DAW1: variants seen among roughly 807,000 people sequenced by gnomAD.
DAW1 encodes dynein assembly factor with WD repeat domains 1.
In DAW1, 47 loss-of-function variants were observed where a neutral mutation model predicts 56.5. The observed-to-expected ratio is 0.83, with a 90% confidence interval of 0.66 to 1.06. The LOEUF (loss-of-function observed/expected upper bound fraction) is 1.06, where lower values mean the gene tolerates loss of function less well. Among genes scored for constraint, DAW1 ranks in the 50% least tolerant of loss-of-function variants. DAW1 has a pLI of 0.00. For synonymous variants in DAW1, 190 were observed against 179.0 expected (o/e 1.06, Z -0.49); for missense variants, 505 against 499.3 (o/e 1.01, Z -0.11).
At chr2:227,887,932 A>G (rs1691170292) in intron 2 of DAW1, among the ~76,000 whole-genome samples, 1 of 151,822 alleles carries the variant, frequency 6.6e-6, no homozygotes, top group African/African-American at 2.4e-5. Flanking sequence ...CGTGTAGATT[A>G]TCTGGTTAAT....
chr2:227,921,275 G>A, intron 11 of DAW1, 124 bp from the exon 12 acceptor site: 1 of 1,028,200 alleles, frequency 9.7e-7, no homozygotes, highest in Non-Finnish European at 1.4e-6. Flanking sequence ...ATAAATACCA[G>A]ACTAGGAAGG....
At chr2:227,892,765 T>C (rs1275760096) in intron 4 of DAW1, among the ~76,000 whole-genome samples, 1 of 152,312 alleles carries the variant, frequency 6.6e-6, no homozygotes, top group East Asian at 1.9e-4. Context: ...GACTGGCTTT[T>C]CAATTTTGTG....
At chr2:227,921,700 T>C (rs1265131758) in intron 12 of DAW1, 139 bp downstream of exon 12, 4 of 857,144 alleles carry the variant, frequency 4.7e-6, no homozygotes, top group Admixed American at 2.9e-5. Flanking sequence ...TGCCCTCATA[T>C]TTTCATTATT....
At chr2:227,874,438 G>A (rs12465328) in intron 1 of DAW1, among the ~76,000 whole-genome samples, 73,066 of 151,946 alleles carry the variant, frequency 0.48, 17,772 homozygotes, top group Admixed American at 0.58. Context: ...CACTGAAACT[G>A]CCCACTTTAA....
chr2:227,890,549 GC>G (rs1366402757), intron 3 of DAW1, among the ~76,000 whole-genome samples: 1 of 152,012 alleles, frequency 6.6e-6, no homozygotes, highest in African/African-American at 2.4e-5. Context: ...ATATTACACT[GC>G]TTTTATCTTT....
intron 11 of DAW1, 151 bp downstream of exon 11, chr2:227,919,007 C>T (rs749508174): frequency 3.8e-4 from 293 of 772,046 alleles, no homozygotes; most frequent in Non-Finnish European, 4.3e-4. Flanking sequence ...CCAGCCTGGG[C>T]AACATAGGGA....
chr2:227,889,891 A>C lies in DAW1; in HGVS notation c.149A>C (p.Lys50Thr). The change falls in exon 3 of 13, where the codon AAG becomes ACG. Residue 50 changes from lysine to threonine, a missense_variant. Lys to Thr is a moderately conservative substitution (Grantham distance 78). Coordinates refer to ENST00000309931, the MANE Select transcript of DAW1 (RefSeq NM_178821.3). Reference protein sequence around the residue: ...DVSALVEEIQKAEPLLTASRT... With the variant: ...DVSALVEEIQTAEPLLTASRT... ...AGTGCGTTAGTAGAAGAAATCCAGA[A>C]GGCAGAACCTCTACTCACAGCTTCA... The C allele has an allele frequency of 1.2e-6, 2 of 1,607,040 alleles. No individual in the cohort carries two copies. The highest frequency in any genetic ancestry group is 4.5e-5 in the East Asian group (2 of 44,556).
intron 10 of DAW1, among the ~76,000 whole-genome samples, chr2:227,912,028 T>A (rs973371959): frequency 1.3e-5 from 2 of 151,734 alleles, no homozygotes; most frequent in Non-Finnish European, 1.5e-5. Flanking sequence ...GATCCTTTCA[T>A]GACAACAATA....
At chr2:227,895,608 G>A (rs566660705) in intron 5 of DAW1, 2 of 152,350 alleles carry the variant, frequency 1.3e-5, no homozygotes, top group South Asian at 4.2e-4. Context: ...GTGTCTCCAG[G>A]AGGGGATTCA....
chr2:227,880,072 C>T (rs1690972858), intron 1 of DAW1, among the ~76,000 whole-genome samples: 2 of 152,118 alleles, frequency 1.3e-5, no homozygotes, highest in African/African-American at 4.8e-5. Context: ...AATGTGTCTC[C>T]TCGTTTATCA....
intron 10 of DAW1, among the ~76,000 whole-genome samples, chr2:227,915,154 A>G (rs1322979551): frequency 6.6e-6 from 1 of 152,114 alleles, no homozygotes; most frequent in African/African-American, 2.4e-5. Flanking sequence ...TTACTGCAGC[A>G]CACTTTGATA....
intron 10 of DAW1, 85 bp from the exon 11 acceptor site, chr2:227,918,695 A>G: frequency 7.1e-7 from 1 of 1,410,028 alleles, no homozygotes; most frequent in Non-Finnish European, 9.9e-7. Flanking sequence ...TGTCAGGGGG[A>G]TATATATTTA....
intron 1 of DAW1, among the ~76,000 whole-genome samples, chr2:227,874,852 A>C (rs1690841381): frequency 6.6e-6 from 1 of 152,040 alleles, no homozygotes; most frequent in East Asian, 1.9e-4. Flanking sequence ...AATCCCAGCT[A>C]CTCAGGAGGC....
intron 10 of DAW1, chr2:227,912,389 GAT>G (rs1308538603): frequency 7.7e-7 from 1 of 1,304,662 alleles, no homozygotes; most frequent in Admixed American, 2.3e-5. Context: ...AATCATGTTT[GAT>G]GTTATCCGGT....
At chr2:227,917,283 T>C (rs929979984) in intron 10 of DAW1, among the ~76,000 whole-genome samples, 6 of 150,780 alleles carry the variant, frequency 4.0e-5, no homozygotes, top group Non-Finnish European at 8.9e-5. Context: ...TTTTTTTAGA[T>C]GGAGTCTTGC....
intron 6 of DAW1, among the ~76,000 whole-genome samples, chr2:227,899,282 C>T (rs1349482536): frequency 6.6e-6 from 1 of 152,222 alleles, no homozygotes; most frequent in Non-Finnish European, 1.5e-5. Flanking sequence ...ACACCTTTCC[C>T]TCCATTTCTG....
chr2:227,908,110 T>C (rs951190469), intron 10 of DAW1, among the ~76,000 whole-genome samples: 1 of 152,240 alleles, frequency 6.6e-6, no homozygotes, highest in Non-Finnish European at 1.5e-5. Flanking sequence ...CATGTGACAC[T>C]ACACTATATC....
chr2:227,896,614 GT>G (rs1691414380), intron 5 of DAW1, among the ~76,000 whole-genome samples: 1 of 151,832 alleles, frequency 6.6e-6, no homozygotes, highest in African/African-American at 2.4e-5. Context: ...GTGTGTGTGT[GT>G]GTGTGTGTGT....
At chr2:227,918,927 C>A in intron 11 of DAW1, 71 bp downstream of exon 11, 2 of 1,426,864 alleles carry the variant, frequency 1.4e-6, no homozygotes, top group Non-Finnish European at 9.8e-7. Flanking sequence ...AGGTGCAGTG[C>A]CTCACACCTA....
Sources: gnomAD v4.1 joint callset for allele counts (sites outside exome capture counted in the v4.1 genomes callset) on GRCh38, gnomAD v4.1.1 for gene constraint, MANE v1.5 for transcripts, NCBI Gene and HGNC (gene_info 2026-07-23, HGNC 2026-07-21) for gene names.